The following RBM44 variants were observed in gnomAD, a reference collection of about 807,000 sequenced individuals.
The protein encoded by RBM44 is RNA-binding protein 44.
In RBM44, 66 loss-of-function variants were observed where a neutral mutation model predicts 105.1. That is an observed-to-expected ratio of 0.63 (90% CI 0.52 to 0.77). The LOEUF (loss-of-function observed/expected upper bound fraction) is 0.77, where lower values mean the gene tolerates loss of function less well. Ranked by LOEUF, RBM44 falls within the 30% of genes least tolerant of loss-of-function variation. The pLI is 0.00. For synonymous variants in RBM44, 365 were observed against 417.6 expected, an observed-to-expected ratio of 0.87 and a Z score of 1.54; for missense variants, 1,122 against 1,207.8, an observed-to-expected ratio of 0.93 and a Z score of 1.05.
At chr2:237,834,949 G>A (rs1029584590) in intron 15 of RBM44, 1 of 152,280 alleles carries the variant, frequency 6.6e-6, no homozygotes, top group Non-Finnish European at 1.5e-5. Context: ...AGTAGTCGCA[G>A]ATACTGCAAT....
At position 237,825,108 on chromosome 2, in the gene RBM44, C is replaced by A. The variant is rs555827994; in HGVS notation, c.2449+689C>A. Among the ~76,000 whole-genome samples, 26 of 151,958 alleles carry A rather than the reference C, an allele frequency of 1.7e-4. No individual in the cohort carries two copies. In the South Asian group the frequency reaches 5.2e-3, roughly 30 times the overall value. On this transcript the variant is annotated intron_variant, in intron 10 of 15. Transcript: ENST00000316997. ...AACTGGTTTCTCCAACCTGCAGTAA[C>A]CACTATGAATATTTTAATGACCATT...
chr2:237,821,708 A>G (rs766575970), intron 7 of RBM44, 35 bp from the exon 8 acceptor site: 2 of 1,425,078 alleles, frequency 1.4e-6, no homozygotes, highest in East Asian at 4.6e-5. Context: ...GTTATCAAAC[A>G]TTAGATCATA....
intron 15 of RBM44, 146 bp downstream of exon 15, chr2:237,834,569 G>T (rs539852277): frequency 6.0e-5 from 23 of 384,694 alleles, no homozygotes; most frequent in Non-Finnish European, 1.0e-4. Context: ...CAAGCATACT[G>T]TAATTAGTTA....
At chr2:237,821,284 T>A (rs780271217) in intron 6 of RBM44, 30 bp downstream of exon 6, 61 of 1,551,264 alleles carry the variant, frequency 3.9e-5, no homozygotes, top group Non-Finnish European at 5.1e-5. Flanking sequence ...AAATAAAAAA[T>A]TTTACTTCAT....
intron 15 of RBM44, among the ~76,000 whole-genome samples, chr2:237,839,715 T>C (rs1455955019): frequency 4.6e-5 from 7 of 152,186 alleles, no homozygotes; most frequent in Non-Finnish European, 1.0e-4. Context: ...TGGAAAACTT[T>C]TGCAGTATTG....
chr2:237,820,175 G>A lies in RBM44; in HGVS notation c.1737G>A (p.Arg579=). The part of the protein sequence containing the change: ...GITDLKKHPE[R]EFQLFKDTEK... ...CTGATCCTATCTTTTATTTTTAAAG[G>A]GAATTTCAACTTTTTAAAGATACAG... Residue 579 remains arginine (R), a splice_region_variant and synonymous_variant, in exon 5 of 16, where the codon AGG becomes AGA. Coordinates refer to ENST00000316997, the MANE Select transcript of RBM44 (RefSeq NM_001080504.3). 6.7e-7 allele frequency: 1 copy of A among 1,491,592 alleles called. No homozygotes were observed. The highest frequency in any genetic ancestry group is 9.0e-7 in the Non-Finnish European group (1 of 1,113,630). 92.4% of individuals were successfully genotyped at this position (1,491,592 alleles called of 1,614,324 possible).
At chr2:237,819,941 G>A (rs969130523) in intron 4 of RBM44, among the ~76,000 whole-genome samples, 2 of 151,788 alleles carry the variant, frequency 1.3e-5, no homozygotes, top group African/African-American at 4.8e-5. Context: ...TTTGGTAAAA[G>A]AAAGTATGAA....
chr2:237,808,627 G>A (rs2061623765), intron 1 of RBM44, among the ~76,000 whole-genome samples: 2 of 152,116 alleles, frequency 1.3e-5, no homozygotes, highest in Non-Finnish European at 2.9e-5. Flanking sequence ...CTGAAGCATG[G>A]GGAGACAAAA....
chr2:237,831,032 A>T (rs2150987692), intron 13 of RBM44, among the ~76,000 whole-genome samples: 1 of 152,034 alleles, frequency 6.6e-6, no homozygotes, highest in South Asian at 2.1e-4. Flanking sequence ...CCTTAATAAG[A>T]TAAAGGGATC....
intron 15 of RBM44, among the ~76,000 whole-genome samples, chr2:237,839,921 G>C (rs1448468107): frequency 1.3e-5 from 2 of 152,146 alleles, no homozygotes; most frequent in African/African-American, 2.4e-5. Flanking sequence ...GGCTGGGGAG[G>C]GGGTGGCTCA....
At chr2:237,821,537 G>A (rs545933902) in intron 7 of RBM44, among the ~76,000 whole-genome samples, 169 bp downstream of exon 7, 1 of 152,158 alleles carries the variant, frequency 6.6e-6, no homozygotes, top group Non-Finnish European at 1.5e-5. Flanking sequence ...TGGGGTACAT[G>A]TAATATTTTT....
intron 15 of RBM44, among the ~76,000 whole-genome samples, chr2:237,838,155 A>T (rs2061977947): frequency 6.6e-6 from 1 of 152,192 alleles, no homozygotes; most frequent in East Asian, 1.9e-4. Context: ...TGCTTGAAAA[A>T]TTAAAGCCTA....
chr2:237,840,070 T>C (rs2061996641), intron 15 of RBM44, among the ~76,000 whole-genome samples: 1 of 150,946 alleles, frequency 6.6e-6, no homozygotes, highest in Non-Finnish European at 1.5e-5. Flanking sequence ...ATACCTATAG[T>C]CCTAGCTACT....
Position 237,841,517 on chromosome 2 carries a change from A to C in RBM44, c.*23-322A>C, listed in dbSNP as rs915454093. On this transcript the variant is annotated intron_variant, in intron 15 of 15. Coordinates refer to ENST00000316997, the MANE Select transcript of RBM44 (RefSeq NM_001080504.3). This position sits in a 1 kb window ranked among gnomAD's most constrained non-coding sequence, Gnocchi z 4.5. Reference sequence around the variant, plus strand: ...TAATCTATACACTAAACCCTGCAACATGTAATTTATCTATATCGATATAAC... The same window carrying C: ...TAATCTATACACTAAACCCTGCAACCTGTAATTTATCTATATCGATATAAC... Among the ~76,000 whole-genome samples, 3 of 152,194 alleles carry C rather than the reference A, an allele frequency of 2.0e-5. No homozygotes were observed. Among genetic ancestry groups the C allele is most frequent in the Non-Finnish European group, 2.9e-5 (2 of 68,040 alleles).
At chr2:237,834,938 C>T (rs2061943453) in intron 15 of RBM44, 1 of 152,296 alleles carries the variant, frequency 6.6e-6, no homozygotes, top group Admixed American at 6.5e-5. Context: ...TATCTACCCT[C>T]AGTAGTCGCA....
chr2:237,823,645 A>T lies in RBM44; in HGVS notation c.2320+91A>T, dbSNP rs966167263. ...AGTGTTTATTCATTAAATAAAAATA[A>T]ATTTTCTTAATTGATGGAAAGGCAT... On this transcript the variant is annotated intron_variant, in intron 9 of 15. Transcript: ENST00000316997. 12 of 619,818 alleles carry T rather than the reference A, an allele frequency of 1.9e-5. No individual in the cohort carries two copies. The African/African-American group carries it at 2.3e-4, about 12-fold the overall frequency. The allele number at this position is 619,818 out of a possible 1,614,324, so 38.4% of individuals were successfully genotyped here.
At position 237,803,298 on chromosome 2, in the gene RBM44, G is replaced by A. The variant is rs185526520; in HGVS notation, c.-19+4437G>A. ...AGTCTCTCTGTCTCTGGGTGACAGA[G>A]CGAGACACACACACACACACATACT... On this transcript the variant is annotated intron_variant, in intron 1 of 15. Transcript: ENST00000316997. This position sits in a 1 kb window ranked among gnomAD's most constrained non-coding sequence, Gnocchi z 4.2. 1.1e-3 allele frequency among the ~76,000 whole-genome samples: 170 copies of A among 150,544 alleles called. No individual in the cohort carries two copies. Among genetic ancestry groups the A allele is most frequent in the African/African-American group, 4.1e-3 (167 of 40,628 alleles).
At chr2:237,822,359 G>A (rs1342100956) in intron 8 of RBM44, among the ~76,000 whole-genome samples, 1 of 152,058 alleles carries the variant, frequency 6.6e-6, no homozygotes, top group Non-Finnish European at 1.5e-5. Context: ...AACCAAGAAG[G>A]AAGATTTAAT....
At chr2:237,829,665 C>T (rs189594601) in intron 13 of RBM44, among the ~76,000 whole-genome samples, 163 bp downstream of exon 13, 160 of 152,296 alleles carry the variant, frequency 1.1e-3, no homozygotes, top group Non-Finnish European at 1.7e-3. Flanking sequence ...TTTTGTACAA[C>T]TCCAATTGTT....
Sources: gnomAD v4.1 joint callset for allele counts (sites outside exome capture counted in the v4.1 genomes callset) on GRCh38, gnomAD v4.1.1 for gene constraint, Gnocchi (gnomAD v3.1) non-coding constraint, MANE v1.5 for transcripts, NCBI Gene and HGNC (gene_info 2026-07-23, HGNC 2026-07-21) for gene names.